ZNF341: variants seen among roughly 807,000 people sequenced by gnomAD.
ZNF341 encodes the protein zinc finger protein 341.
A neutral mutation model predicts 87.7 loss-of-function variants in ZNF341; 52 were observed. That is an observed-to-expected ratio of 0.59 (90% confidence interval 0.47 to 0.75). The LOEUF is 0.75. Among genes scored for constraint, ZNF341 ranks in the 30% least tolerant of loss-of-function variants. ZNF341 has a pLI of 0.00. For missense variants in ZNF341, 977 were observed against 1,145.9 expected, an observed-to-expected ratio of 0.85 and a Z score of 2.13; for synonymous variants, 459 against 472.7, an observed-to-expected ratio of 0.97 and a Z score of 0.38.
chr20:33,764,487 GTA>G lies in ZNF341; in HGVS notation c.1223-2354_1223-2353del, dbSNP rs994082243. The stretch of plus-strand genomic sequence containing the variant: ...TATTTAACCATATATGTGTATGTGT[GTA>G]TATATATATGTGTGTGTATATATAT... On this transcript the variant is annotated intron_variant, in intron 8 of 14. Transcript: ENST00000375200. Among the ~76,000 whole-genome samples the G allele has an allele frequency of 3.8e-3, 525 of 139,498 alleles. 3 individuals are homozygous for G. The highest frequency in any genetic ancestry group is 0.013 in the African/African-American group (492 of 37,928). 91.5% of individuals were successfully genotyped at this position (139,498 alleles called of 152,430 possible).
At chr20:33,787,525 G>T (rs1171891075) in intron 12 of ZNF341, 3 of 152,190 alleles carry the variant, frequency 2.0e-5, no homozygotes, top group African/African-American at 7.2e-5. Context: ...CAGCAGCCCA[G>T]AAACAGCCCC....
intron 4 of ZNF341, among the ~76,000 whole-genome samples, chr20:33,752,818 A>AT (rs1425364297): frequency 6.6e-6 from 1 of 151,508 alleles, no homozygotes; most frequent in African/African-American, 2.4e-5. Context: ...CGCCCGGCTA[A>AT]TTTTTTGTAT....
At chr20:33,754,154 G>A (rs982306294) in intron 5 of ZNF341, among the ~76,000 whole-genome samples, 2 of 152,184 alleles carry the variant, frequency 1.3e-5, no homozygotes, top group Non-Finnish European at 1.5e-5. Context: ...CTTAGATAGC[G>A]CAGGTAGGGA....
At position 33,789,572 on chromosome 20, in the gene ZNF341, C is replaced by T; in HGVS notation, c.2019C>T (p.His673=). The change falls in exon 14 of 15, where the codon CAC becomes CAT. Residue 673 remains histidine, a synonymous_variant. Transcript: ENST00000375200. ...ACCGGCCGGACAAGCTGAAGGCCCA[C>T]ATCCTCTCCCACTCTGGTAAGTGGC... ...EFNRPDKLKA[H]ILSHSGMKLH... is the part of the protein sequence containing the mutation. 3 of 1,614,144 alleles carry T rather than the reference C, an allele frequency of 1.9e-6. No individual in the cohort carries two copies. The highest frequency in any genetic ancestry group is 2.5e-6 in the Non-Finnish European group (3 of 1,180,024).
At chr20:33,760,266 G>C (rs535954593) in intron 7 of ZNF341, among the ~76,000 whole-genome samples, 27 of 152,242 alleles carry the variant, frequency 1.8e-4, no homozygotes, top group Middle Eastern at 3.4e-3. Flanking sequence ...AGTTGGGCAT[G>C]GTGGCGGGTG....
At chr20:33,769,370 G>A (rs1316607821) in intron 9 of ZNF341, among the ~76,000 whole-genome samples, 5 of 129,896 alleles carry the variant, frequency 3.8e-5, no homozygotes, top group Non-Finnish European at 6.3e-5. Context: ...GTGAAGGGGT[G>A]GTGGTGGGGG....
At chr20:33,759,269 TG>T (rs755931298) in intron 7 of ZNF341, among the ~76,000 whole-genome samples, 2 of 152,164 alleles carry the variant, frequency 1.3e-5, no homozygotes, top group Non-Finnish European at 2.9e-5. Flanking sequence ...TCTCACACAG[TG>T]AAATGCACTG....
In ZNF341 at chr20:33,791,733, GC is replaced by G; in HGVS notation, c.*218del. The G allele has an allele frequency of 1.9e-6, 1 of 528,400 alleles. No individual in the cohort carries two copies. The highest frequency in any genetic ancestry group is 3.3e-6 in the Non-Finnish European group (1 of 305,558). The allele number at this position is 528,400 out of a possible 1,614,324, so 32.7% of individuals were successfully genotyped here. A position where few individuals can be genotyped will look rare whatever the true frequency, so the allele number is the denominator to read the frequency against. ...GCAACATTCTAGGGTTGGGGGCAGGGCCATCCACGGTTTCTGGGCAGAGCCA... is the reference window on the plus strand; with the variant it reads ...GCAACATTCTAGGGTTGGGGGCAGGGCATCCACGGTTTCTGGGCAGAGCCA... On this transcript the variant is annotated 3_prime_UTR_variant, in exon 15 of 15. Coordinates refer to ENST00000375200, the MANE Select transcript of ZNF341 (RefSeq NM_001282933.2).
At chr20:33,764,575 T>A (rs866184408) in intron 8 of ZNF341, among the ~76,000 whole-genome samples, 2,125 of 92,166 alleles carry the variant, frequency 0.023, 169 homozygotes, top group African/African-American at 0.083. Flanking sequence ...TTTTTTTTTT[T>A]TTTTTTTTTT....
Position 33,757,232 on chromosome 20 carries a change from C to G in ZNF341, c.826C>G (p.Pro276Ala), listed in dbSNP as rs779465358. The change falls in exon 6 of 15, where the codon CCA becomes GCA. Residue 276 changes from proline (P) to alanine (A), a missense_variant. Pro to Ala is a conservative substitution (Grantham distance 27). This residue lies in a region of ZNF341 where 515 missense variants were observed against 598.2 expected (regional missense o/e 0.86). Transcript: ENST00000375200. Reference sequence around the variant, plus strand: ...CAAACAGGGATTCAAACCCAAAGGACCAAACCCCGCCGCCCCCATGACCAG... The same window carrying G: ...CAAACAGGGATTCAAACCCAAAGGAGCAAACCCCGCCGCCCCCATGACCAG... ...PGKQGFKPKG[P>A]NPAAPMTSAT... is the part of the protein sequence containing the mutation. 2 of 1,603,006 alleles carry G rather than the reference C, an allele frequency of 1.2e-6. No individual in the cohort carries two copies. Among genetic ancestry groups the G allele is most frequent in the Admixed American group, 1.7e-5 (1 of 58,088 alleles).
At chr20:33,763,136 C>T (rs1225674343) in intron 8 of ZNF341, among the ~76,000 whole-genome samples, 2 of 152,084 alleles carry the variant, frequency 1.3e-5, no homozygotes, top group Non-Finnish European at 2.9e-5. Context: ...ATTGTAAAAT[C>T]ATAGCACACT....
At chr20:33,741,658 G>T (rs1337014292) in intron 2 of ZNF341, among the ~76,000 whole-genome samples, 5 of 152,166 alleles carry the variant, frequency 3.3e-5, no homozygotes. Flanking sequence ...GCTCACCTCA[G>T]CCTCCTAAAG....
At chr20:33,789,626 A>G in intron 14 of ZNF341, 38 bp downstream of exon 14, 1 of 1,608,928 alleles carries the variant, frequency 6.2e-7, no homozygotes. Flanking sequence ...GGTCTGGTTC[A>G]GCTCTAGTTC....
At chr20:33,790,741 G>A (rs1231266084) in intron 14 of ZNF341, among the ~76,000 whole-genome samples, 2 of 152,184 alleles carry the variant, frequency 1.3e-5, no homozygotes, top group East Asian at 1.9e-4. Context: ...GTGAGCAGCT[G>A]TTCCAGGCAG....
intron 4 of ZNF341, chr20:33,752,110 C>T (rs1386818091): frequency 1.3e-5 from 4 of 314,332 alleles, no homozygotes; most frequent in Admixed American, 8.4e-5. Context: ...GCAAGCAAGC[C>T]CCCCCCCCTT....
chr20:33,773,954 A>G (rs1463612636), intron 10 of ZNF341, among the ~76,000 whole-genome samples: 1 of 151,830 alleles, frequency 6.6e-6, no homozygotes, highest in African/African-American at 2.4e-5. Flanking sequence ...ATGCCACTAT[A>G]TCTTTACTGT....
chr20:33,742,269 T>C (rs919780588), intron 2 of ZNF341, among the ~76,000 whole-genome samples: 6 of 152,176 alleles, frequency 3.9e-5, no homozygotes, highest in African/African-American at 1.4e-4. Flanking sequence ...CGATCTCGGC[T>C]CACTGCAACC....
chr20:33,783,165 A>AAATAAAATAC (rs1555789039), intron 11 of ZNF341, among the ~76,000 whole-genome samples: 5 of 124,920 alleles, frequency 4.0e-5, no homozygotes, highest in Admixed American at 8.2e-5. Flanking sequence ...AAATAAAATA[A>AAATAAAATAC]AATAAAATAA....
intron 1 of ZNF341, among the ~76,000 whole-genome samples, chr20:33,740,545 A>C (rs936368112): frequency 6.6e-6 from 1 of 152,160 alleles, no homozygotes; most frequent in Non-Finnish European, 1.5e-5. Context: ...GTCAAGAGCA[A>C]GTACAGTGGA....
Sources: gnomAD v4.1 joint callset for allele counts (sites outside exome capture counted in the v4.1 genomes callset) on GRCh38, gnomAD v4.1.1 for gene constraint, gnomAD v4.1.1 regional missense constraint, MANE v1.5 for transcripts, NCBI Gene and HGNC (gene_info 2026-07-23, HGNC 2026-07-21) for gene names.